Variants in KALRN observed in about 807,000 individuals in gnomAD.
KALRN encodes the protein kalirin.
KALRN carries 70 observed loss-of-function variants against 353.7 expected under a neutral mutation model. The ratio of observed to expected loss-of-function variants is 0.20; its 90% confidence interval spans 0.16 to 0.24. KALRN has a LOEUF of 0.24. KALRN is among the 10% of genes least tolerant of loss of function. The probability of loss-of-function intolerance (pLI) is 1.00; values close to 1 mark genes in which losing one functional copy is unlikely to be tolerated. For missense variants in KALRN, 2,791 were observed against 3,756.7 expected (o/e 0.74, Z 6.72); for synonymous variants, 1,391 against 1,434.8 (o/e 0.97, Z 0.69).
chr3:124,348,801 T>C, intron 10 of KALRN, among the ~76,000 whole-genome samples: 1 of 152,176 alleles, frequency 6.6e-6, no homozygotes, highest in East Asian at 1.9e-4. Context: ...CACTGCAACC[T>C]CTGCCTCCTG....
chr3:124,607,764 G>C (rs1269153600), intron 34 of KALRN, among the ~76,000 whole-genome samples: 1 of 151,896 alleles, frequency 6.6e-6, no homozygotes, highest in African/African-American at 2.4e-5. Flanking sequence ...TTATAGACAT[G>C]TACCACTATG....
chr3:124,139,142 T>C (rs1439829498), intron 1 of KALRN, among the ~76,000 whole-genome samples: 1 of 152,138 alleles, frequency 6.6e-6, no homozygotes, highest in African/African-American at 2.4e-5. Context: ...CCAGATCCTT[T>C]CTTTTTTCTC....
At chr3:124,559,881 C>G (rs570434899) in intron 33 of KALRN, among the ~76,000 whole-genome samples, 1 of 152,246 alleles carries the variant, frequency 6.6e-6, no homozygotes, top group South Asian at 2.1e-4. Flanking sequence ...TATTCATCAT[C>G]TATTTGAACC....
chr3:124,206,340 A>C (rs551787383), intron 1 of KALRN, among the ~76,000 whole-genome samples: 1 of 152,282 alleles, frequency 6.6e-6, no homozygotes, highest in Non-Finnish European at 1.5e-5. Context: ...ATGTGGGATG[A>C]TTTTATGAGC....
intron 29 of KALRN, chr3:124,488,623 C>T: frequency 3.7e-6 from 1 of 269,406 alleles, no homozygotes; most frequent in Non-Finnish European, 7.1e-6. Context: ...CAACCTACAG[C>T]AGTCTTGTTA....
intron 33 of KALRN, among the ~76,000 whole-genome samples, chr3:124,546,278 A>AC (rs1246493992): frequency 5.0e-5 from 6 of 120,612 alleles, no homozygotes; most frequent in Non-Finnish European, 8.4e-5. Flanking sequence ...ACATAGTGAG[A>AC]CCCCCATCTC....
At chr3:124,586,170 A>G (rs547641234) in intron 34 of KALRN, among the ~76,000 whole-genome samples, 33 of 152,354 alleles carry the variant, frequency 2.2e-4, no homozygotes, top group African/African-American at 7.9e-4. Flanking sequence ...GTGAGGGGCC[A>G]GGGACCCTCT....
In KALRN at chr3:124,496,430, A is replaced by AG. The variant is rs2063855245; in HGVS notation, c.4935+17_4935+18insG. The AG allele has an allele frequency of 6.4e-7, 1 of 1,564,218 alleles. No homozygotes were observed. Among genetic ancestry groups the AG allele is most frequent in the Non-Finnish European group, 8.8e-7 (1 of 1,134,642 alleles). ...AGTGACAAGGTAGGACAGAGTCCTA[A>AG]CCTTCCTTCCCCTGAGACTTCTTGA... On this transcript the variant is annotated intron_variant, in intron 33 of 59. Coordinates refer to ENST00000682506, the MANE Select transcript of KALRN (RefSeq NM_001388419.1).
rs1413479429 is a variant in KALRN at position 124,679,696 on chromosome 3, T to G, written c.7377+179T>G. On this transcript the variant is annotated intron_variant, in intron 51 of 59. Coordinates refer to ENST00000682506, the MANE Select transcript of KALRN (RefSeq NM_001388419.1). ...ACAAAAACATAATTCAGTTCAGTGT[T>G]GGTAGAAAACTCTACCTAGATTTTT... 5.7e-6 allele frequency: 4 copies of G among 701,724 alleles called. No individual in the cohort carries two copies. The Admixed American group carries it at 8.4e-5, about 15-fold the overall frequency. The allele number at this position is 701,724 out of a possible 1,614,324, so 43.5% of individuals were successfully genotyped here.
At chr3:124,426,377 A>G (rs1332279875) in intron 15 of KALRN, among the ~76,000 whole-genome samples, 1 of 152,184 alleles carries the variant, frequency 6.6e-6, no homozygotes, top group Non-Finnish European at 1.5e-5. Flanking sequence ...TTTAATTGAA[A>G]TGCCATTAAT....
intron 10 of KALRN, among the ~76,000 whole-genome samples, chr3:124,360,040 G>T (rs535424306): frequency 6.6e-6 from 1 of 152,356 alleles, no homozygotes; most frequent in South Asian, 2.1e-4. Context: ...ATAGAGTAAT[G>T]GTATATCCTG....
At chr3:124,108,836 T>C (rs2062567613) in intron 1 of KALRN, among the ~76,000 whole-genome samples, 1 of 152,194 alleles carries the variant, frequency 6.6e-6, no homozygotes, top group Non-Finnish European at 1.5e-5. Flanking sequence ...ATATACTACC[T>C]CATAAGGCTT....
chr3:124,171,204 A>G (rs1351540922), intron 1 of KALRN, among the ~76,000 whole-genome samples: 1 of 152,138 alleles, frequency 6.6e-6, no homozygotes, highest in African/African-American at 2.4e-5. Flanking sequence ...TCCAAGGTTT[A>G]GTGGATTGAA....
intron 10 of KALRN, among the ~76,000 whole-genome samples, chr3:124,361,206 G>T (rs1168396317): frequency 1.3e-5 from 2 of 152,130 alleles, no homozygotes; most frequent in Non-Finnish European, 2.9e-5. Context: ...TAAAAAAACT[G>T]GGGTTAGTCA....
Position 124,122,917 on chromosome 3 carries a change from T to C in KALRN, c.73+89104T>C, listed in dbSNP as rs937482220. ...GAGGAAGGCATGTTAAAGGCTAAGA[T>C]AGCAGCCGGGCACAGTGGCTCATGC... On this transcript the variant is annotated intron_variant, in intron 1 of 59. Transcript: ENST00000682506. 6.1e-4 allele frequency among the ~76,000 whole-genome samples: 93 copies of C among 152,244 alleles called. 1 individual carries two copies. Among genetic ancestry groups the C allele is most frequent in the Non-Finnish European group, 1.1e-3 (73 of 67,998 alleles).
At chr3:124,537,898 A>C (rs937519895) in intron 33 of KALRN, among the ~76,000 whole-genome samples, 1 of 152,210 alleles carries the variant, frequency 6.6e-6, no homozygotes, top group Admixed American at 6.5e-5. Context: ...GTAAGTAGTG[A>C]GCAAATCTTC....
intron 2 of KALRN, among the ~76,000 whole-genome samples, chr3:124,233,568 C>T (rs1356863168): frequency 6.6e-6 from 1 of 152,182 alleles, no homozygotes; most frequent in Non-Finnish European, 1.5e-5. Context: ...TTTCTCTCTG[C>T]AGCCTCCTTA....
At chr3:124,095,520 A>G (rs1395951972) in intron 1 of KALRN, among the ~76,000 whole-genome samples, 2 of 152,340 alleles carry the variant, frequency 1.3e-5, no homozygotes, top group East Asian at 3.9e-4. Context: ...TTAGCTTCAC[A>G]GAACTATTAC....
chr3:124,641,919 C>G (rs986482240), intron 37 of KALRN, among the ~76,000 whole-genome samples: 7 of 152,154 alleles, frequency 4.6e-5, no homozygotes, highest in African/African-American at 1.7e-4. Flanking sequence ...TCTAGTGTAT[C>G]TCTAAACTGA....
Sources: allele counts gnomAD v4.1 joint callset (sites outside exome capture counted in the v4.1 genomes callset), GRCh38; gene constraint gnomAD v4.1.1; transcripts MANE v1.5; gene names NCBI Gene and HGNC (gene_info 2026-07-23, HGNC 2026-07-21).